Variants in TNRC6C observed in about 807,000 individuals in gnomAD.
TNRC6C encodes trinucleotide repeat containing adaptor 6C, also known as trinucleotide repeat-containing gene 6C protein.
A neutral mutation model predicts 153.7 loss-of-function variants in TNRC6C; 20 were observed. The ratio of observed to expected loss-of-function variants is 0.13; its 90% confidence interval spans 0.09 to 0.19. The LOEUF is 0.19. Among genes scored for constraint, TNRC6C ranks in the 10% least tolerant of loss-of-function variants. The pLI, the probability that TNRC6C is intolerant of heterozygous loss-of-function variation, is 1.00. For missense variants in TNRC6C, 1,987 were observed against 2,172.0 expected (o/e 0.91, Z 1.69); for synonymous variants, 811 against 841.4 (o/e 0.96, Z 0.63).
At chr17:77,971,197 A>G (rs548264431) in intron 1 of TNRC6C, among the ~76,000 whole-genome samples, 2 of 152,244 alleles carry the variant, frequency 1.3e-5, no homozygotes, top group South Asian at 4.1e-4. Flanking sequence ...TAGTGGTATC[A>G]TTAACACATG....
intron 3 of TNRC6C, among the ~76,000 whole-genome samples, chr17:78,052,746 ACTT>A (rs1428459535): frequency 1.3e-5 from 2 of 150,676 alleles, no homozygotes; most frequent in Non-Finnish European, 3.0e-5. Context: ...CTCCTCGTAG[ACTT>A]CTTGGTGGTT....
chr17:78,006,496 TTCTTCTTCTTCTTCTTCTTC>T (rs2071502243), intron 1 of TNRC6C, among the ~76,000 whole-genome samples: 5 of 7,536 alleles, frequency 6.6e-4, no homozygotes, highest in African/African-American at 1.1e-3. Flanking sequence ...TTCTTCTTTC[TTCTTCTTCTTCTTCTTCTTC>T]TTCTTCTTCT....
intron 2 of TNRC6C, among the ~76,000 whole-genome samples, chr17:78,044,848 GA>G (rs1167375298): frequency 1.3e-4 from 20 of 152,310 alleles, no homozygotes; most frequent in Admixed American, 2.6e-4. Flanking sequence ...TTGAAAGGAA[GA>G]CTGTTACAAT....
intron 9 of TNRC6C, among the ~76,000 whole-genome samples, chr17:78,078,794 GT>G (rs1342805448): frequency 6.6e-6 from 1 of 151,914 alleles, no homozygotes; most frequent in African/African-American, 2.4e-5. Flanking sequence ...GCAAAACCCC[GT>G]CTCTACTAAA....
At chr17:78,050,418 T>C (rs372583885) in exon 3 of TNRC6C, 2 of 1,613,862 alleles carry the variant, frequency 1.2e-6, no homozygotes, top group African/African-American at 2.7e-5. Flanking sequence ...GGGGACAGAC[T>C]CCTGTAAAGC....
intron 2 of TNRC6C, among the ~76,000 whole-genome samples, chr17:78,046,457 C>T (rs762445472): frequency 3.9e-5 from 6 of 152,142 alleles, no homozygotes; most frequent in Non-Finnish European, 7.3e-5. Context: ...GGATTACAGG[C>T]GAGAGCCACT....
At chr17:78,056,157 ACTT>A (rs574327510) in intron 3 of TNRC6C, among the ~76,000 whole-genome samples, 217 of 144,896 alleles carry the variant, frequency 1.5e-3, no homozygotes, top group African/African-American at 5.0e-3. Context: ...GCCAGAAACT[ACTT>A]TTTTTTTTTT....
intron 1 of TNRC6C, among the ~76,000 whole-genome samples, chr17:78,031,215 C>T (rs189011767): frequency 6.6e-6 from 1 of 152,224 alleles, no homozygotes; most frequent in African/African-American, 2.4e-5. Flanking sequence ...CTGATAAGCC[C>T]TCTAGGTGAT....
At chr17:78,030,545 T>C (rs2072050613) in intron 1 of TNRC6C, among the ~76,000 whole-genome samples, 1 of 152,162 alleles carries the variant, frequency 6.6e-6, no homozygotes, top group Non-Finnish European at 1.5e-5. Flanking sequence ...ATTTTTCAAT[T>C]CCATTATAAT....
chr17:77,966,612 T>A (rs1429565205), intron 1 of TNRC6C, among the ~76,000 whole-genome samples: 2 of 152,198 alleles, frequency 1.3e-5, no homozygotes, highest in East Asian at 1.9e-4. Flanking sequence ...TAGATGCTGA[T>A]GGGGAAAGAT....
chr17:77,975,081 G>A (rs1177351652), intron 1 of TNRC6C, among the ~76,000 whole-genome samples: 1 of 152,176 alleles, frequency 6.6e-6, no homozygotes, highest in Non-Finnish European at 1.5e-5. Context: ...TGAGGAGGAT[G>A]AGAAAAGAAA....
intron 11 of TNRC6C, among the ~76,000 whole-genome samples, chr17:78,084,496 G>A (rs1225019212): frequency 1.3e-5 from 2 of 152,038 alleles, no homozygotes; most frequent in Non-Finnish European, 2.9e-5. Context: ...ATAGAAGGAA[G>A]GAGGGAAGGA....
intron 1 of TNRC6C, among the ~76,000 whole-genome samples, chr17:78,022,469 C>T (rs990372187): frequency 6.6e-6 from 1 of 152,170 alleles, no homozygotes; most frequent in Non-Finnish European, 1.5e-5. Flanking sequence ...AGAAAAACAA[C>T]CCTGAATTTG....
chr17:78,002,438 C>T (rs960556048), upstream of TNRC6C, among the ~76,000 whole-genome samples: 2 of 152,198 alleles, frequency 1.3e-5, no homozygotes, highest in Non-Finnish European at 2.9e-5. Flanking sequence ...AGGAGGCCAG[C>T]GCCCAGGCAG....
chr17:78,106,289 A>G (rs2073693082), exon 20 of TNRC6C: 1 of 151,744 alleles, frequency 6.6e-6, no homozygotes, highest in South Asian at 2.1e-4. Flanking sequence ...AAAGAAACCT[A>G]TTTTCAGAAT....
At chr17:77,987,084 G>A (rs559832518) in intron 1 of TNRC6C, among the ~76,000 whole-genome samples, 1 of 152,260 alleles carries the variant, frequency 6.6e-6, no homozygotes, top group East Asian at 1.9e-4. Context: ...GACAAAAACT[G>A]GGGGAAGTGT....
chr17:77,990,226 T>C (rs1233132414), intron 1 of TNRC6C, among the ~76,000 whole-genome samples: 7 of 152,206 alleles, frequency 4.6e-5, no homozygotes, highest in Non-Finnish European at 1.0e-4. Flanking sequence ...TCTAAACTCT[T>C]ATATTGACTG....
intron 3 of TNRC6C, among the ~76,000 whole-genome samples, chr17:78,054,083 A>T (rs1176646025): frequency 6.6e-6 from 1 of 152,182 alleles, no homozygotes; most frequent in African/African-American, 2.4e-5. Context: ...TGCACAGCAT[A>T]TTACTGTACT....
intron 1 of TNRC6C, among the ~76,000 whole-genome samples, chr17:78,016,327 G>C (rs914002902): frequency 6.6e-6 from 1 of 152,236 alleles, no homozygotes; most frequent in Admixed American, 6.5e-5. Context: ...GCCAGTACCT[G>C]CCAGGTCACA....
Sources: allele counts gnomAD v4.1 joint callset (sites outside exome capture counted in the v4.1 genomes callset), GRCh38; gene constraint gnomAD v4.1.1; transcripts MANE v1.5; gene names NCBI Gene and HGNC (gene_info 2026-07-23, HGNC 2026-07-21).